The following ATP8A2 variants were observed in gnomAD, a reference collection of about 807,000 sequenced individuals.
The protein encoded by ATP8A2 is ATPase phospholipid transporting 8A2.
Under a neutral mutation model 165.6 loss-of-function variants are expected in ATP8A2, and 100 were observed. That is an observed-to-expected ratio of 0.60 (90% CI 0.51 to 0.71). ATP8A2 has a LOEUF of 0.71. Among genes scored for constraint, ATP8A2 ranks in the 30% least tolerant of loss-of-function variants. The pLI, the probability that ATP8A2 is intolerant of heterozygous loss-of-function variation, is 0.00. For synonymous variants in ATP8A2, 543 were observed against 548.8 expected (o/e 0.99, Z 0.15); for missense variants, 1,227 against 1,479.5 (o/e 0.83, Z 2.80).
intron 30 of ATP8A2, among the ~76,000 whole-genome samples, chr13:25,845,260 C>T (rs770774381): frequency 2.4e-4 from 36 of 152,142 alleles, no homozygotes; most frequent in Non-Finnish European, 4.3e-4. Flanking sequence ...AGCCCACACC[C>T]GGGTTTCCTG....
At chr13:25,845,411 G>A (rs1951837496) in intron 30 of ATP8A2, among the ~76,000 whole-genome samples, 1 of 152,100 alleles carries the variant, frequency 6.6e-6, no homozygotes, top group South Asian at 2.1e-4. Context: ...GGAGGTGATG[G>A]GAAAGAGACT....
chr13:25,398,614 A>G (rs1219866961), intron 1 of ATP8A2, among the ~76,000 whole-genome samples: 1 of 152,256 alleles, frequency 6.6e-6, no homozygotes, highest in African/African-American at 2.4e-5. Context: ...CTAGACATAC[A>G]GTAGATGTTA....
At chr13:25,428,466 A>G (rs2034513048) in intron 1 of ATP8A2, among the ~76,000 whole-genome samples, 1 of 152,178 alleles carries the variant, frequency 6.6e-6, no homozygotes, top group South Asian at 2.1e-4. Flanking sequence ...CTATTGTGGG[A>G]AACAGACTTA....
chr13:25,761,046 C>G (rs1692110609), intron 25 of ATP8A2, among the ~76,000 whole-genome samples: 1 of 152,196 alleles, frequency 6.6e-6, no homozygotes, highest in Non-Finnish European at 1.5e-5. Context: ...CTGCCTGCCT[C>G]TCCCCTCACC....
intron 35 of ATP8A2, among the ~76,000 whole-genome samples, chr13:26,001,303 T>C (rs991950438): frequency 3.9e-5 from 6 of 152,198 alleles, no homozygotes; most frequent in Admixed American, 1.3e-4. Flanking sequence ...ATTTGGGTCG[T>C]TTCTACTTTT....
intron 16 of ATP8A2, among the ~76,000 whole-genome samples, chr13:25,566,473 A>T (rs1342908427): frequency 6.6e-5 from 10 of 152,230 alleles, no homozygotes; most frequent in Admixed American, 6.5e-4. Context: ...GGTTGAGGGT[A>T]ACCACAAAGG....
chr13:25,581,593 G>C (rs2039779216), intron 22 of ATP8A2, among the ~76,000 whole-genome samples: 1 of 152,170 alleles, frequency 6.6e-6, no homozygotes, highest in Non-Finnish European at 1.5e-5. Context: ...CCTGTATCAA[G>C]AAATCAGTGA....
intron 35 of ATP8A2, among the ~76,000 whole-genome samples, chr13:26,005,014 G>A (rs1449819200): frequency 6.6e-6 from 1 of 151,984 alleles, no homozygotes; most frequent in Non-Finnish European, 1.5e-5. Flanking sequence ...GGGTTTGGAA[G>A]TATCCCTTCC....
intron 25 of ATP8A2, among the ~76,000 whole-genome samples, chr13:25,719,724 C>G (rs1395746388): frequency 6.6e-6 from 1 of 152,192 alleles, no homozygotes; most frequent in East Asian, 1.9e-4. Flanking sequence ...AAATGACTAG[C>G]CTGTCAGAAT....
chr13:25,834,433 A>G (rs372914193), intron 28 of ATP8A2, among the ~76,000 whole-genome samples: 1 of 152,188 alleles, frequency 6.6e-6, no homozygotes, highest in East Asian at 1.9e-4. Flanking sequence ...AAAAGTCTGT[A>G]TGTTATAATA....
chr13:25,971,160 A>G (rs1955902757), intron 35 of ATP8A2, among the ~76,000 whole-genome samples: 1 of 151,594 alleles, frequency 6.6e-6, no homozygotes. Flanking sequence ...TCTGCCGCTC[A>G]TCCTCCTCAG....
chr13:26,003,971 T>G (rs868204271), intron 35 of ATP8A2, among the ~76,000 whole-genome samples: 32 of 152,276 alleles, frequency 2.1e-4, no homozygotes, highest in African/African-American at 7.7e-4. Context: ...AGCCTTTTTC[T>G]TAGTGCTCAA....
chr13:25,626,098 C>T (rs902436150), intron 24 of ATP8A2, among the ~76,000 whole-genome samples: 9 of 152,152 alleles, frequency 5.9e-5, no homozygotes, highest in Non-Finnish European at 1.2e-4. Context: ...TTTATTCTTT[C>T]GTTCAGCAAA....
intron 33 of ATP8A2, among the ~76,000 whole-genome samples, chr13:25,918,299 G>T (rs184021512): frequency 6.6e-6 from 1 of 152,222 alleles, no homozygotes. Context: ...TATTAAAATA[G>T]GAAGGAGGGA....
intron 35 of ATP8A2, among the ~76,000 whole-genome samples, chr13:25,978,138 T>C (rs1249003760): frequency 6.6e-6 from 1 of 152,192 alleles, no homozygotes; most frequent in Non-Finnish European, 1.5e-5. Flanking sequence ...TTAATCTTTT[T>C]GGGGAGGATA....
chr13:25,571,013 G>A, intron 17 of ATP8A2, 141 bp downstream of exon 17: 1 of 603,228 alleles, frequency 1.7e-6, no homozygotes, highest in Non-Finnish European at 2.9e-6. Context: ...GCCAGGCTGT[G>A]GCTACAGGTG....
chr13:25,721,880 C>T (rs2043389622), intron 25 of ATP8A2, among the ~76,000 whole-genome samples: 1 of 152,152 alleles, frequency 6.6e-6, no homozygotes, highest in East Asian at 1.9e-4. Flanking sequence ...CTTTTATTGT[C>T]TATGATAAAT....
chr13:25,639,156 T>C (rs2041448862), intron 24 of ATP8A2, among the ~76,000 whole-genome samples: 1 of 152,024 alleles, frequency 6.6e-6, no homozygotes, highest in Non-Finnish European at 1.5e-5. Context: ...ACATGCCAAA[T>C]TGTAAAGACC....
At chr13:25,497,700 C>G (rs1303363591) in intron 2 of ATP8A2, among the ~76,000 whole-genome samples, 1 of 151,942 alleles carries the variant, frequency 6.6e-6, no homozygotes, top group Non-Finnish European at 1.5e-5. Context: ...TGCCTGTAAT[C>G]CCAGCCAGCA....
Sources: allele counts gnomAD v4.1 joint callset (sites outside exome capture counted in the v4.1 genomes callset), GRCh38; gene constraint gnomAD v4.1.1; transcripts MANE v1.5; gene names NCBI Gene and HGNC (gene_info 2026-07-23, HGNC 2026-07-21).